PAFAH1B1: variants seen among roughly 807,000 people sequenced by gnomAD.
PAFAH1B1 encodes platelet activating factor acetylhydrolase 1b regulatory subunit 1.
In PAFAH1B1, 2 loss-of-function variants were observed where a neutral mutation model predicts 57.5. That is an observed-to-expected ratio of 0.03 (90% confidence interval 0.01 to 0.11). The LOEUF is 0.11. Among genes scored for constraint, PAFAH1B1 ranks in the 10% least tolerant of loss-of-function variants. The pLI is 1.00. For missense variants in PAFAH1B1, 257 were observed against 512.0 expected (o/e 0.50, Z 4.81); for synonymous variants, 152 against 169.6 (o/e 0.90, Z 0.81).
chr17:2,659,078 C>T (rs1056792732), intron 2 of PAFAH1B1, among the ~76,000 whole-genome samples: 14 of 152,132 alleles, frequency 9.2e-5, no homozygotes, highest in African/African-American at 3.4e-4. Flanking sequence ...TGGCAAAACC[C>T]CGTCTCTACT....
At chr17:2,662,882 G>GGGC (rs1262446933) in intron 2 of PAFAH1B1, among the ~76,000 whole-genome samples, 2 of 152,100 alleles carry the variant, frequency 1.3e-5, no homozygotes, top group Non-Finnish European at 2.9e-5. Flanking sequence ...AGGCCAAGGT[G>GGGC]GGCGGATCAC....
At chr17:2,599,353 C>T (rs576220803) in intron 1 of PAFAH1B1, among the ~76,000 whole-genome samples, 5 of 152,290 alleles carry the variant, frequency 3.3e-5, no homozygotes, top group African/African-American at 4.8e-5. Context: ...CTTTCTATAA[C>T]GATTGGACTC....
At chr17:2,665,807 G>T (rs2069099401) in intron 3 of PAFAH1B1, among the ~76,000 whole-genome samples, 1 of 152,002 alleles carries the variant, frequency 6.6e-6, no homozygotes, top group Non-Finnish European at 1.5e-5. Flanking sequence ...TCGCCATGTT[G>T]GCCAGGCTGG....
At chr17:2,642,952 T>A (rs1205203939) in intron 2 of PAFAH1B1, among the ~76,000 whole-genome samples, 1 of 152,144 alleles carries the variant, frequency 6.6e-6, no homozygotes, top group East Asian at 1.9e-4. Context: ...CTGAATCCCT[T>A]CCACCATGTT....
At chr17:2,655,181 A>ATGTGTGTGTG (rs1436866557) in intron 2 of PAFAH1B1, among the ~76,000 whole-genome samples, 1,623 of 122,638 alleles carry the variant, frequency 0.013, 23 homozygotes, top group African/African-American at 0.051. Flanking sequence ...ATATATACAT[A>ATGTGTGTGTG]TATGTGTGTG....
chr17:2,638,072 CTT>C (rs1001002978), intron 1 of PAFAH1B1, 25 bp from the exon 2 acceptor site: 3 of 480,818 alleles, frequency 6.2e-6, no homozygotes, highest in Non-Finnish European at 1.1e-5. Flanking sequence ...GTGAAATAAT[CTT>C]TTTTTTTCTT....
At chr17:2,615,357 C>T (rs894654314) in intron 1 of PAFAH1B1, among the ~76,000 whole-genome samples, 1 of 152,146 alleles carries the variant, frequency 6.6e-6, no homozygotes, top group Non-Finnish European at 1.5e-5. Context: ...CGATTTATGA[C>T]AAAATCTAAA....
At chr17:2,666,599 A>G (rs1457366292) in intron 4 of PAFAH1B1, among the ~76,000 whole-genome samples, 3 of 152,154 alleles carry the variant, frequency 2.0e-5, no homozygotes, top group Non-Finnish European at 4.4e-5. Context: ...AATAAATATT[A>G]GCTTTTATTA....
chr17:2,675,291 C>T (rs1415016675), intron 8 of PAFAH1B1, among the ~76,000 whole-genome samples: 1 of 152,216 alleles, frequency 6.6e-6, no homozygotes, highest in East Asian at 1.9e-4. Flanking sequence ...GTGTGAGCCA[C>T]TGTGCCTGGC....
chr17:2,679,530 ATGGATGGATGGATG>A (rs2069339988), intron 9 of PAFAH1B1, among the ~76,000 whole-genome samples: 4 of 29,142 alleles, frequency 1.4e-4, no homozygotes, highest in African/African-American at 3.0e-4. Context: ...GGATGATTGG[ATGGATGGATGGATG>A]GATGGATGAT....
At chr17:2,660,485 T>C (rs1294632625) in intron 2 of PAFAH1B1, among the ~76,000 whole-genome samples, 2 of 152,212 alleles carry the variant, frequency 1.3e-5, no homozygotes, top group African/African-American at 4.8e-5. Flanking sequence ...CTCCCAGTTA[T>C]GCGTGAGAGC....
intron 1 of PAFAH1B1, among the ~76,000 whole-genome samples, chr17:2,612,489 T>C (rs1418715450): frequency 6.6e-6 from 1 of 152,136 alleles, no homozygotes; most frequent in East Asian, 1.9e-4. Flanking sequence ...ATTAAAGGTG[T>C]GAGCCACCAT....
chr17:2,628,940 T>C lies in PAFAH1B1; in HGVS notation c.-190-9159T>C, dbSNP rs1367655149. Among the ~76,000 whole-genome samples, 5 of 152,200 alleles carry C rather than the reference T, an allele frequency of 3.3e-5. No homozygotes were observed. The East Asian group carries it at 9.6e-4, about 29-fold the overall frequency. ...CTGTGGTGTCAGTTGTAATATCTCC[T>C]GTTTCATTTCTTAGTGAGGTTATTT... is the stretch of plus-strand genomic sequence containing the variant. On this transcript the variant is annotated intron_variant, in intron 1 of 10. Coordinates refer to ENST00000397195, the MANE Select transcript of PAFAH1B1 (RefSeq NM_000430.4).
chr17:2,653,339 C>T (rs1408439633), intron 2 of PAFAH1B1, among the ~76,000 whole-genome samples: 1 of 151,818 alleles, frequency 6.6e-6, no homozygotes, highest in Non-Finnish European at 1.5e-5. Flanking sequence ...TTAATGGGTG[C>T]AGCACACCAA....
At chr17:2,640,949 A>C (rs1007796711) in intron 2 of PAFAH1B1, 1 of 152,114 alleles carries the variant, frequency 6.6e-6, no homozygotes, top group East Asian at 1.9e-4. Context: ...AGACCATGCA[A>C]ACATTCATGT....
At chr17:2,646,638 T>A (rs1296684102) in intron 2 of PAFAH1B1, among the ~76,000 whole-genome samples, 2 of 152,160 alleles carry the variant, frequency 1.3e-5, no homozygotes, top group African/African-American at 4.8e-5. Flanking sequence ...AGAGTGAGAC[T>A]CTGTCTCAAA....
intron 1 of PAFAH1B1, chr17:2,614,051 G>C (rs941028270): frequency 1.4e-4 from 17 of 121,786 alleles, no homozygotes; most frequent in African/African-American, 4.4e-4. Flanking sequence ...TTGAGACGTG[G>C]GTCTGGCTCT....
rs1358224345 is a variant in PAFAH1B1, at chr17:2,681,988, T to A, written c.*186T>A. The A allele has an allele frequency of 3.5e-6, 2 of 567,238 alleles. No homozygotes were observed. The highest frequency in any genetic ancestry group is 6.3e-6 in the Non-Finnish European group (2 of 319,656). The allele number at this position is 567,238 out of a possible 1,614,324, so 35.1% of individuals were successfully genotyped here. On this transcript the variant is annotated 3_prime_UTR_variant, in exon 11 of 11. Coordinates refer to ENST00000397195, the MANE Select transcript of PAFAH1B1 (RefSeq NM_000430.4). ...CATGGTGAATCCAAATTGTATACTG[T>A]AAATTTACATACGTTGTCTAGAAGT... is the stretch of plus-strand genomic sequence containing the variant.
chr17:2,672,822 C>T (rs558202003), intron 7 of PAFAH1B1, 65 bp downstream of exon 7: 60 of 1,049,964 alleles, frequency 5.7e-5, no homozygotes, highest in Middle Eastern at 2.9e-4. Context: ...GTCATCCCAG[C>T]GCTTTGGGAG....
Sources: gnomAD v4.1 joint callset for allele counts (sites outside exome capture counted in the v4.1 genomes callset) on GRCh38, gnomAD v4.1.1 for gene constraint, MANE v1.5 for transcripts, NCBI Gene and HGNC (gene_info 2026-07-23, HGNC 2026-07-21) for gene names.